Variants in PACRG observed in about 807,000 individuals in gnomAD.
PACRG encodes parkin coregulated gene protein.
A neutral mutation model predicts 29.7 loss-of-function variants in PACRG; 29 were observed. The observed-to-expected ratio is 0.98, with a 90% CI of 0.73 to 1.33. The LOEUF (loss-of-function observed/expected upper bound fraction) is 1.33. Among genes scored for constraint, PACRG ranks in the 40% most tolerant of loss-of-function variants. The pLI, the probability that PACRG is intolerant of heterozygous loss-of-function variation, is 0.00. For synonymous variants in PACRG, 116 were observed against 118.7 expected (o/e 0.98, Z 0.15); for missense variants, 279 against 316.2 (o/e 0.88, Z 0.89).
chr6:163,165,303 A>G (rs1352824696), intron 4 of PACRG: 2 of 152,564 alleles, frequency 1.3e-5, no homozygotes, highest in Non-Finnish European at 2.9e-5. Flanking sequence ...AGGAAACGGT[A>G]AATGGTTTGG....
intron 2 of PACRG, among the ~76,000 whole-genome samples, chr6:162,881,525 T>C (rs1793838899): frequency 1.3e-5 from 2 of 152,190 alleles, no homozygotes; most frequent in East Asian, 3.9e-4. Flanking sequence ...AGAGGTGCAC[T>C]TGTGGATGTT....
chr6:163,259,906 G>A (rs1783258415), intron 4 of PACRG, among the ~76,000 whole-genome samples: 1 of 152,184 alleles, frequency 6.6e-6, no homozygotes, highest in Non-Finnish European at 1.5e-5. Flanking sequence ...GATGGAGGAA[G>A]GAGAACAGGA....
rs143981371 is a variant in PACRG, at chr6:162,774,458, G to A, written c.157-39689G>A. Among the ~76,000 whole-genome samples the A allele has an allele frequency of 2.8e-3, 425 of 152,304 alleles. 1 individual carries two copies. The highest frequency in any genetic ancestry group is 9.7e-3 in the African/African-American group (404 of 41,570). The stretch of plus-strand genomic sequence containing the variant: ...ATGATAGATATGTTTGTAATGCTAC[G>A]TAGTTATGGAATTGCTTTCCCATAG... On this transcript the variant is annotated intron_variant, in intron 1 of 4. Transcript: ENST00000366888.
At chr6:163,179,882 C>A (rs1779571959) in intron 4 of PACRG, among the ~76,000 whole-genome samples, 1 of 152,168 alleles carries the variant, frequency 6.6e-6, no homozygotes, top group South Asian at 2.1e-4. Context: ...ACCAGACCAG[C>A]AAGTCTCCTT....
At chr6:162,947,595 C>CATATATATATAATCATATATAT (rs1799253594) in intron 2 of PACRG, among the ~76,000 whole-genome samples, 3 of 27,988 alleles carry the variant, frequency 1.1e-4, no homozygotes, top group African/African-American at 2.1e-4. Flanking sequence ...TATATATAAT[C>CATATATATATAATCATATATAT]ATATATATAT....
intron 3 of PACRG, among the ~76,000 whole-genome samples, chr6:163,074,122 C>T (rs773868656): frequency 3.9e-5 from 6 of 152,078 alleles, no homozygotes; most frequent in Non-Finnish European, 8.8e-5. Context: ...TCTGCATTCG[C>T]GTATTTATTG....
At chr6:163,146,295 T>C (rs1585265026) in intron 4 of PACRG, among the ~76,000 whole-genome samples, 1 of 152,212 alleles carries the variant, frequency 6.6e-6, no homozygotes, top group South Asian at 2.1e-4. Context: ...GCAATGGAGA[T>C]ACTTTCATTC....
At chr6:163,029,134 G>A (rs73783983) in intron 2 of PACRG, among the ~76,000 whole-genome samples, 4,374 of 152,254 alleles carry the variant, frequency 0.029, 215 homozygotes, top group African/African-American at 0.1. Flanking sequence ...TGTAGATGGA[G>A]CAAGGGGACA....
At chr6:162,815,445 A>AT (rs1787254092) in intron 2 of PACRG, among the ~76,000 whole-genome samples, 1 of 150,354 alleles carries the variant, frequency 6.7e-6, no homozygotes, top group Non-Finnish European at 1.5e-5. Context: ...GTTATCAAAC[A>AT]TTTCTAATTC....
intron 2 of PACRG, among the ~76,000 whole-genome samples, chr6:162,959,378 G>A (rs191729217): frequency 3.7e-4 from 57 of 152,198 alleles, no homozygotes; most frequent in African/African-American, 1.3e-3. Context: ...AGACCTGAAA[G>A]AGATGAAGGT....
Position 162,901,831 on chromosome 6 carries a change from T to A in PACRG, c.291+87550T>A, listed in dbSNP as rs377500838. 7.2e-5 allele frequency among the ~76,000 whole-genome samples: 11 copies of A among 152,336 alleles called. No homozygotes were observed. The South Asian group carries it at 2.3e-3, about 32-fold the overall frequency. ...ATTTGAAAGAACAAGTTAAAAGCTC[T>A]GAAAATAATTATAAAAGAGTGCACC... On this transcript the variant is annotated intron_variant, in intron 2 of 4. Transcript: ENST00000366888.
chr6:162,950,518 TA>T (rs1799571167), intron 2 of PACRG, among the ~76,000 whole-genome samples: 3 of 151,798 alleles, frequency 2.0e-5, no homozygotes, highest in Admixed American at 6.6e-5. Context: ...AATAAATAAA[TA>T]AATAAATTAA....
intron 2 of PACRG, among the ~76,000 whole-genome samples, chr6:162,888,127 C>T (rs889718713): frequency 2.0e-5 from 3 of 151,298 alleles, no homozygotes; most frequent in African/African-American, 4.9e-5. Flanking sequence ...CTGGGGTGTC[C>T]GTACTGGTGA....
At chr6:162,815,540 G>A (rs1000044696) in intron 2 of PACRG, among the ~76,000 whole-genome samples, 1 of 150,434 alleles carries the variant, frequency 6.6e-6, no homozygotes, top group African/African-American at 2.5e-5. Flanking sequence ...TCCTTATTAG[G>A]AAACCTTACT....
At chr6:162,802,384 T>C (rs1226857721) in intron 1 of PACRG, among the ~76,000 whole-genome samples, 1 of 152,214 alleles carries the variant, frequency 6.6e-6, no homozygotes, top group African/African-American at 2.4e-5. Flanking sequence ...GCTCCTAACA[T>C]TGAAAAACTT....
At chr6:163,249,574 C>T (rs751100812) in intron 4 of PACRG, among the ~76,000 whole-genome samples, 1 of 152,210 alleles carries the variant, frequency 6.6e-6, no homozygotes, top group East Asian at 1.9e-4. Context: ...CTCTCGCCTC[C>T]TGTGCCTGCT....
At chr6:163,163,909 A>G (rs752975685) in intron 4 of PACRG, among the ~76,000 whole-genome samples, 4 of 149,806 alleles carry the variant, frequency 2.7e-5, no homozygotes, top group Non-Finnish European at 5.9e-5. Context: ...TTAAATCTAT[A>G]AATAATATAT....
chr6:162,856,444 G>A (rs1380450250), intron 2 of PACRG, among the ~76,000 whole-genome samples: 1 of 152,196 alleles, frequency 6.6e-6, no homozygotes, highest in African/African-American at 2.4e-5. Context: ...AACCGGCTGT[G>A]TGGCCTTGGG....
intron 4 of PACRG, among the ~76,000 whole-genome samples, chr6:163,290,998 A>AC (rs1784581517): frequency 6.6e-6 from 1 of 152,102 alleles, no homozygotes; most frequent in African/African-American, 2.4e-5. Flanking sequence ...CGGAACATGG[A>AC]CTTCCTTTCT....
Sources: gnomAD v4.1 joint callset for allele counts (sites outside exome capture counted in the v4.1 genomes callset) on GRCh38, gnomAD v4.1.1 for gene constraint, MANE v1.5 for transcripts, NCBI Gene and HGNC (gene_info 2026-07-23, HGNC 2026-07-21) for gene names.